The following TMEM91 variants were observed in gnomAD, a reference collection of about 807,000 sequenced individuals.
The protein encoded by TMEM91 is transmembrane protein 91.
TMEM91 carries 6 observed loss-of-function variants against 13.3 expected under a neutral mutation model. That is an observed-to-expected ratio of 0.45 (90% CI 0.25 to 0.89). The LOEUF is 0.89. Ranked by LOEUF, TMEM91 falls within the 40% of genes least tolerant of loss-of-function variation. The probability of loss-of-function intolerance (pLI) is 0.19; values close to 1 mark genes in which losing one functional copy is unlikely to be tolerated. For missense variants in TMEM91, 193 were observed against 228.7 expected (o/e 0.84, Z 1.01); for synonymous variants, 87 against 101.7 (o/e 0.86, Z 0.87).
At chr19:41,368,425 TG>T (rs922959816) in intron 1 of TMEM91, among the ~76,000 whole-genome samples, 4 of 124,754 alleles carry the variant, frequency 3.2e-5, no homozygotes, top group East Asian at 2.4e-4. Flanking sequence ...ACCTTTTTTT[TG>T]GGGGGGGTGG....
chr19:41,383,868 C>A lies in TMEM91; in HGVS notation c.514C>A (p.Pro172Thr), dbSNP rs1316772241. Residue 172 changes from proline to threonine, a missense_variant, in exon 4 of 4, where the codon CCC becomes ACC. By Grantham distance (38) the Pro-to-Thr change is conservative. Coordinates refer to ENST00000392002, the MANE Select transcript of TMEM91 (RefSeq NM_001098821.2). ...LAAYLASRDP[P>T] Reference sequence around the variant, plus strand: ...TGCCTACCTTGCCTCCCGAGACCCGCCCTAGTTGCCCCTACAGCCCTCACT... The same window carrying A: ...TGCCTACCTTGCCTCCCGAGACCCGACCTAGTTGCCCCTACAGCCCTCACT... 1.2e-6 allele frequency: 2 copies of A among 1,607,906 alleles called. No homozygotes were observed. Among genetic ancestry groups the A allele is most frequent in the South Asian group, 2.2e-5 (2 of 90,292 alleles).
At chr19:41,380,321 G>GAAGCTGC (rs1388273892) in intron 2 of TMEM91, among the ~76,000 whole-genome samples, 1 of 152,178 alleles carries the variant, frequency 6.6e-6, no homozygotes, top group African/African-American at 2.4e-5. Flanking sequence ...CAGCAAAGCA[G>GAAGCTGC]AAGCTGCCTC....
At chr19:41,363,973 G>A (rs953744622), upstream of TMEM91, 4 of 257,046 alleles carry the variant, frequency 1.6e-5, no homozygotes, top group East Asian at 3.7e-4. Context: ...CGCACTTAAC[G>A]GTTAGGAGAG....
At chr19:41,379,347 A>G (rs1188353677) in intron 2 of TMEM91, among the ~76,000 whole-genome samples, 1 of 149,462 alleles carries the variant, frequency 6.7e-6, no homozygotes, top group African/African-American at 2.5e-5. Context: ...TGTCCTCCGA[A>G]AATTAGAAAG....
chr19:41,364,356 G>A (rs1233730159), intron 1 of TMEM91, among the ~76,000 whole-genome samples: 4 of 152,168 alleles, frequency 2.6e-5, no homozygotes, highest in Non-Finnish European at 4.4e-5. Context: ...TGTGGCTGAG[G>A]AAGTTTGAGT....
chr19:41,383,520 TATTA>T, intron 3 of TMEM91, 191 bp from the exon 4 acceptor site: 1 of 1,464,812 alleles, frequency 6.8e-7, no homozygotes, highest in Non-Finnish European at 9.0e-7. Flanking sequence ...TTATTATTAT[TATTA>T]TTTTTTACCA....
chr19:41,369,654 A>C (rs1237962933), intron 1 of TMEM91, among the ~76,000 whole-genome samples: 2 of 151,910 alleles, frequency 1.3e-5, no homozygotes, highest in African/African-American at 4.8e-5. Flanking sequence ...AAACTACAAA[A>C]AAAATCAGCT....
chr19:41,368,018 C>T (rs2038555775), intron 1 of TMEM91, among the ~76,000 whole-genome samples: 1 of 152,104 alleles, frequency 6.6e-6, no homozygotes, highest in Non-Finnish European at 1.5e-5. Flanking sequence ...GTTGTAACTG[C>T]ATGCTACGTG....
At chr19:41,371,325 C>CCTTT (rs2038614637) in intron 1 of TMEM91, among the ~76,000 whole-genome samples, 1 of 142,414 alleles carries the variant, frequency 7.0e-6, no homozygotes, top group Non-Finnish European at 1.5e-5. Flanking sequence ...TTCCTTCCTT[C>CCTTT]CTTCCTTCCT....
At chr19:41,381,076 CAAAAAAAAA>C (rs1166323642) in intron 2 of TMEM91, among the ~76,000 whole-genome samples, 2 of 52,792 alleles carry the variant, frequency 3.8e-5, no homozygotes, top group African/African-American at 1.4e-4. Context: ...GACTCTGTCT[CAAAAAAAAA>C]AAAAAAAAAA....
intron 1 of TMEM91, among the ~76,000 whole-genome samples, chr19:41,370,122 T>C (rs1033255375): frequency 6.6e-6 from 1 of 152,064 alleles, no homozygotes; most frequent in African/African-American, 2.4e-5. Flanking sequence ...TTGCTGCCCA[T>C]GCTGGAGTGC....
In TMEM91 at chr19:41,378,560, C is replaced by T. The variant is rs754298550; in HGVS notation, c.210+41C>T. ...CCTTAGTGGAAGGCACGGGAGGGGG[C>T]TGGGGTGAGCCCCACTAAGGCCAGC... On this transcript the variant is annotated intron_variant, in intron 2 of 3. Coordinates refer to ENST00000392002, the MANE Select transcript of TMEM91 (RefSeq NM_001098821.2). 2.2e-5 allele frequency: 36 copies of T among 1,605,328 alleles called. No homozygotes were observed. The East Asian group carries it at 8.1e-4, about 36-fold the overall frequency.
intron 2 of TMEM91, among the ~76,000 whole-genome samples, chr19:41,380,553 T>C (rs2038854626): frequency 1.3e-5 from 2 of 151,752 alleles, no homozygotes; most frequent in Admixed American, 1.3e-4. Flanking sequence ...GACAAGTTAA[T>C]TGCTTGAGGT....
At chr19:41,383,424 A>G in intron 3 of TMEM91, 2 of 1,065,572 alleles carry the variant, frequency 1.9e-6, no homozygotes, top group Non-Finnish European at 2.5e-6. Flanking sequence ...AGTGGGAATA[A>G]TTGCTACCTC....
At chr19:41,380,193 C>A (rs1039179023) in intron 2 of TMEM91, among the ~76,000 whole-genome samples, 12 of 151,934 alleles carry the variant, frequency 7.9e-5, no homozygotes, top group Admixed American at 2.0e-4. Flanking sequence ...CGTGCCCAGC[C>A]GAGTCTTAGG....
intron 1 of TMEM91, among the ~76,000 whole-genome samples, chr19:41,366,754 C>T (rs374925488): frequency 3.4e-4 from 51 of 152,138 alleles, no homozygotes; most frequent in African/African-American, 1.2e-3. Context: ...CCACTGCTCC[C>T]GGCTGAGGTC....
chr19:41,383,614 T>G, intron 3 of TMEM91, 101 bp from the exon 4 acceptor site: 2 of 1,614,006 alleles, frequency 1.2e-6, no homozygotes, highest in African/African-American at 1.3e-5. Flanking sequence ...TTGGAATACA[T>G]GCATGAATGA....
At position 41,383,720 on chromosome 19, in the gene TMEM91, C is replaced by A; in HGVS notation, c.366C>A (p.Asn122Lys). ...GCTGCCCACTGCCTCTACAGACCAA[C>A]AAGGCTTGGGCCAAGGGGGACATCC... The part of the protein sequence containing the change: ...IAAFCLAQKT[N>K]KAWAKGDIQG... Residue 122 changes from asparagine to lysine, a missense_variant, in exon 4 of 4, where the codon AAC becomes AAA. Coordinates refer to ENST00000392002, the MANE Select transcript of TMEM91 (RefSeq NM_001098821.2). 6.2e-7 allele frequency: 1 copy of A among 1,611,454 alleles called. No individual in the cohort carries two copies. Among genetic ancestry groups the A allele is most frequent in the Non-Finnish European group, 8.5e-7 (1 of 1,178,430 alleles).
At chr19:41,383,506 A>C in intron 3 of TMEM91, 1 of 1,441,844 alleles carries the variant, frequency 6.9e-7, no homozygotes, top group Non-Finnish European at 9.2e-7. Context: ...TTATTTTTTA[A>C]AATTTATTAT....
Sources: allele counts gnomAD v4.1 joint callset (sites outside exome capture counted in the v4.1 genomes callset), GRCh38; gene constraint gnomAD v4.1.1; transcripts MANE v1.5; gene names NCBI Gene and HGNC (gene_info 2026-07-23, HGNC 2026-07-21).